TMEM132D: variants seen among roughly 807,000 people sequenced by gnomAD.
TMEM132D encodes transmembrane protein 132D.
Under a neutral mutation model 62.3 loss-of-function variants are expected in TMEM132D, and 21 were observed. The observed-to-expected ratio is 0.34, with a 90% CI of 0.24 to 0.49. TMEM132D has a LOEUF of 0.49. Among genes scored for constraint, TMEM132D ranks in the 20% least tolerant of loss-of-function variants. The probability of loss-of-function intolerance (pLI) is 0.99; values close to 1 mark genes in which losing one functional copy is unlikely to be tolerated. For synonymous variants in TMEM132D, 621 were observed against 575.6 expected (o/e 1.08, Z -1.13); for missense variants, 1,346 against 1,402.8 (o/e 0.96, Z 0.65).
chr12:129,418,439 C>T (rs1418432741), intron 3 of TMEM132D, among the ~76,000 whole-genome samples: 2 of 152,036 alleles, frequency 1.3e-5, no homozygotes, highest in Non-Finnish European at 2.9e-5. Context: ...AAACCATCAC[C>T]CTCAGCAAAC....
intron 3 of TMEM132D, among the ~76,000 whole-genome samples, chr12:129,413,187 T>C (rs909570102): frequency 5.3e-5 from 8 of 152,192 alleles, no homozygotes; most frequent in African/African-American, 1.9e-4. Flanking sequence ...CTCCCATAAT[T>C]TCCTCATGTT....
At chr12:129,820,735 A>C (rs1189909819) in intron 1 of TMEM132D, among the ~76,000 whole-genome samples, 2 of 152,206 alleles carry the variant, frequency 1.3e-5, no homozygotes, top group African/African-American at 4.8e-5. Flanking sequence ...AAAATTGAAC[A>C]AACTGTTCCT....
At chr12:129,635,482 ATCTCCAAGAAGCC>A (rs1421347714) in intron 2 of TMEM132D, among the ~76,000 whole-genome samples, 2 of 152,300 alleles carry the variant, frequency 1.3e-5, no homozygotes, top group Non-Finnish European at 2.9e-5. Flanking sequence ...CCTCCTTAAC[ATCTCCAAGAAGCC>A]TCAGGTCAAG....
At chr12:129,651,118 T>G (rs1879917166) in intron 2 of TMEM132D, among the ~76,000 whole-genome samples, 3 of 152,334 alleles carry the variant, frequency 2.0e-5, no homozygotes, top group Admixed American at 2.0e-4. Context: ...GATCTGCCAA[T>G]AAGTTTGTTA....
At chr12:129,531,898 A>C (rs1876236684) in intron 2 of TMEM132D, among the ~76,000 whole-genome samples, 1 of 152,240 alleles carries the variant, frequency 6.6e-6, no homozygotes, top group Admixed American at 6.5e-5. Flanking sequence ...TCAACTAAAA[A>C]TACAAAAATT....
intron 5 of TMEM132D, among the ~76,000 whole-genome samples, chr12:129,153,125 C>T (rs111250540): frequency 0.012 from 1,768 of 152,296 alleles, 34 homozygotes; most frequent in African/African-American, 0.041. Context: ...AACACTGGCT[C>T]ACATCCTAAA....
chr12:129,845,252 C>G (rs760956253), intron 1 of TMEM132D, among the ~76,000 whole-genome samples: 2 of 152,146 alleles, frequency 1.3e-5, no homozygotes, highest in Non-Finnish European at 2.9e-5. Flanking sequence ...ATAATCAAAA[C>G]AACACTTCCC....
intron 2 of TMEM132D, among the ~76,000 whole-genome samples, chr12:129,617,767 C>T (rs751966510): frequency 2.0e-5 from 3 of 152,128 alleles, no homozygotes; most frequent in Non-Finnish European, 4.4e-5. Context: ...CTCTCTGATG[C>T]CTCTTTTCAT....
rs145653601 is a variant in TMEM132D, at chr12:129,688,368, G to A, written c.968+11442C>T. ...CAGCTGCACATAAGAATCACTGCGA[G>A]AGCTTTTTAAAGACCCTGAAACCAG... On this transcript the variant is annotated intron_variant, in intron 2 of 8. Transcript: ENST00000422113. 2.0e-5 allele frequency among the ~76,000 whole-genome samples: 3 copies of A among 152,280 alleles called. No individual in the cohort carries two copies. In the East Asian group the frequency reaches 5.8e-4, roughly 29 times the overall value.
At chr12:129,789,288 C>A (rs1432474012) in intron 1 of TMEM132D, among the ~76,000 whole-genome samples, 2 of 152,098 alleles carry the variant, frequency 1.3e-5, no homozygotes, top group Non-Finnish European at 2.9e-5. Flanking sequence ...CACAGCTTAG[C>A]TCCTACTTAT....
At chr12:129,515,924 T>C (rs1374021484) in intron 3 of TMEM132D, among the ~76,000 whole-genome samples, 2 of 152,198 alleles carry the variant, frequency 1.3e-5, no homozygotes. Flanking sequence ...TTTTCTCTTG[T>C]TAATCTGTCT....
Position 129,156,255 on chromosome 12 carries a change from T to C in TMEM132D, c.1443+53265A>G, listed in dbSNP as rs77601840. Among the ~76,000 whole-genome samples the C allele has an allele frequency of 5.1e-3, 763 of 149,324 alleles. 7 individuals are homozygous for C. Among genetic ancestry groups the C allele is most frequent in the African/African-American group, 0.017 (687 of 40,248 alleles). ...CCCACTCCCAAAATAACCAAACCAC[T>C]CCCATGATAACCCTCTCCTGAAGTA... On this transcript the variant is annotated intron_variant, in intron 5 of 8. Coordinates refer to ENST00000422113, the MANE Select transcript of TMEM132D (RefSeq NM_133448.3).
intron 2 of TMEM132D, among the ~76,000 whole-genome samples, chr12:129,594,519 T>C (rs1206218246): frequency 6.6e-6 from 1 of 152,218 alleles, no homozygotes; most frequent in Non-Finnish European, 1.5e-5. Context: ...CCAAAATGTA[T>C]AGACTGTTGG....
intron 1 of TMEM132D, among the ~76,000 whole-genome samples, chr12:129,739,526 C>T (rs1869534573): frequency 6.6e-6 from 1 of 152,182 alleles, no homozygotes; most frequent in South Asian, 2.1e-4. Flanking sequence ...TCTGGGGACA[C>T]AAATGGGATT....
chr12:129,607,993 A>C (rs775212121), intron 2 of TMEM132D, among the ~76,000 whole-genome samples: 5 of 152,212 alleles, frequency 3.3e-5, no homozygotes, highest in Admixed American at 6.5e-5. Flanking sequence ...AGGAGCCGAC[A>C]GATCAGCGTT....
Position 129,838,486 on chromosome 12 carries a change from T to G in TMEM132D, c.79+64775A>C, listed in dbSNP as rs997695762. 1.6e-4 allele frequency among the ~76,000 whole-genome samples: 24 copies of G among 152,242 alleles called. 1 individual carries two copies. In the East Asian group the frequency reaches 4.6e-3, roughly 29 times the overall value. ...TCTGATTCCTTAGTTACTTAAATTT[T>G]AGATTGCCTAACCCCCTTCCACTGA... On this transcript the variant is annotated intron_variant, in intron 1 of 8. Coordinates refer to ENST00000422113, the MANE Select transcript of TMEM132D (RefSeq NM_133448.3).
intron 4 of TMEM132D, among the ~76,000 whole-genome samples, chr12:129,302,642 T>C (rs1215219927): frequency 1.3e-5 from 2 of 152,164 alleles, no homozygotes; most frequent in Non-Finnish European, 2.9e-5. Flanking sequence ...GCTTCCTTTT[T>C]CTCCAGGACC....
At chr12:129,750,720 G>A (rs1869971584) in intron 1 of TMEM132D, among the ~76,000 whole-genome samples, 2 of 152,100 alleles carry the variant, frequency 1.3e-5, no homozygotes, top group African/African-American at 2.4e-5. Flanking sequence ...GTTGGTCAGC[G>A]GGTACAAAGG....
chr12:129,447,022 T>C lies in TMEM132D; in HGVS notation c.1115+84037A>G, dbSNP rs138294690. Among the ~76,000 whole-genome samples the C allele has an allele frequency of 2.7e-3, 413 of 152,274 alleles. 1 individual carries two copies. Among genetic ancestry groups the C allele is most frequent in the African/African-American group, 9.4e-3 (391 of 41,554 alleles). Reference sequence around the variant, plus strand: ...ATCTAAAACAAGCTAATCTGCAGTGTAGAGAATCCTGCTACTCACACCAGA... The same window carrying C: ...ATCTAAAACAAGCTAATCTGCAGTGCAGAGAATCCTGCTACTCACACCAGA... On this transcript the variant is annotated intron_variant, in intron 3 of 8. Transcript: ENST00000422113.
Sources: allele counts gnomAD v4.1 joint callset (sites outside exome capture counted in the v4.1 genomes callset), GRCh38; gene constraint gnomAD v4.1.1; transcripts MANE v1.5; gene names NCBI Gene and HGNC (gene_info 2026-07-23, HGNC 2026-07-21).